COL26A1: variants seen among roughly 807,000 people sequenced by gnomAD.
COL26A1 encodes the protein collagen alpha-1(XXVI) chain.
A neutral mutation model predicts 59.3 loss-of-function variants in COL26A1; 41 were observed. That is an observed-to-expected ratio of 0.69 (90% CI 0.54 to 0.90). The LOEUF (loss-of-function observed/expected upper bound fraction) is 0.90, where lower values mean the gene tolerates loss of function less well. Ranked by LOEUF, COL26A1 falls within the 40% of genes least tolerant of loss-of-function variation. COL26A1 has a pLI of 0.00. For missense variants in COL26A1, 612 were observed against 602.3 expected, an observed-to-expected ratio of 1.02 and a Z score of -0.17; for synonymous variants, 266 against 256.0, an observed-to-expected ratio of 1.04 and a Z score of -0.37.
intron 1 of COL26A1, among the ~76,000 whole-genome samples, chr7:101,410,282 G>A (rs576610503): frequency 6.6e-6 from 1 of 152,258 alleles, no homozygotes; most frequent in Non-Finnish European, 1.5e-5. Context: ...CCAGTCTTAG[G>A]TTTCACAATA....
chr7:101,437,217 T>C (rs1303290032), intron 2 of COL26A1, among the ~76,000 whole-genome samples: 1 of 152,060 alleles, frequency 6.6e-6, no homozygotes, highest in African/African-American at 2.4e-5. Context: ...AGGGTGTAGA[T>C]TGAAGAGGCC....
At chr7:101,502,639 G>A (rs895173903) in intron 3 of COL26A1, among the ~76,000 whole-genome samples, 1 of 109,074 alleles carries the variant, frequency 9.2e-6, no homozygotes, top group Non-Finnish European at 1.6e-5. Context: ...CCACTGTCAG[G>A]GGGGACCCAG....
At chr7:101,393,870 C>A (rs546216382) in intron 1 of COL26A1, among the ~76,000 whole-genome samples, 16 of 152,244 alleles carry the variant, frequency 1.1e-4, no homozygotes, top group Admixed American at 6.5e-4. Context: ...CTTCAGCTTC[C>A]TGAGTAGCTG....
chr7:101,495,227 A>G (rs1794556115), intron 3 of COL26A1, among the ~76,000 whole-genome samples: 1 of 152,164 alleles, frequency 6.6e-6, no homozygotes, highest in African/African-American at 2.4e-5. Flanking sequence ...TGCCTGAGGC[A>G]GCCAGGATGT....
intron 2 of COL26A1, among the ~76,000 whole-genome samples, chr7:101,446,600 A>G (rs1178070040): frequency 6.6e-6 from 1 of 152,160 alleles, no homozygotes; most frequent in Admixed American, 6.6e-5. Context: ...TAATCGCAGC[A>G]CTTTGGAAGG....
At chr7:101,524,362 T>G (rs1259408603) in intron 3 of COL26A1, among the ~76,000 whole-genome samples, 1 of 152,074 alleles carries the variant, frequency 6.6e-6, no homozygotes, top group African/African-American at 2.4e-5. Context: ...TCTATACAGT[T>G]GAGTTACAAA....
At chr7:101,538,420 C>A (rs1275856769) in intron 4 of COL26A1, among the ~76,000 whole-genome samples, 1 of 152,252 alleles carries the variant, frequency 6.6e-6, no homozygotes, top group African/African-American at 2.4e-5. Flanking sequence ...GCCCCGGCCT[C>A]ACCGCCCATT....
chr7:101,494,288 G>A (rs1262572623), intron 3 of COL26A1, among the ~76,000 whole-genome samples: 1 of 151,918 alleles, frequency 6.6e-6, no homozygotes, highest in Non-Finnish European at 1.5e-5. Flanking sequence ...CACCATGCCC[G>A]GCTAATTTTT....
intron 1 of COL26A1, among the ~76,000 whole-genome samples, chr7:101,407,722 A>T (rs1792159665): frequency 6.6e-6 from 1 of 151,780 alleles, no homozygotes; most frequent in South Asian, 2.1e-4. Context: ...TCCATAAAAC[A>T]TACCCCCTAG....
chr7:101,544,506 C>T (rs1168671210), intron 6 of COL26A1, among the ~76,000 whole-genome samples: 10 of 141,466 alleles, frequency 7.1e-5, no homozygotes, highest in Middle Eastern at 8.8e-3. Context: ...GGATTACAGG[C>T]GTGAGCCACC....
intron 4 of COL26A1, among the ~76,000 whole-genome samples, chr7:101,534,840 C>T (rs1795448707): frequency 6.6e-6 from 1 of 152,172 alleles, no homozygotes; most frequent in Admixed American, 6.5e-5. Context: ...CCCCCTTCCT[C>T]ATCTGTAGAA....
intron 3 of COL26A1, among the ~76,000 whole-genome samples, chr7:101,526,238 G>C (rs1030964144): frequency 6.6e-6 from 1 of 151,896 alleles, no homozygotes; most frequent in African/African-American, 2.4e-5. Context: ...TAGTAGAGAC[G>C]GGGTCTCTCC....
intron 3 of COL26A1, among the ~76,000 whole-genome samples, chr7:101,530,590 AAGC>A (rs1483608384): frequency 6.6e-6 from 1 of 150,398 alleles, no homozygotes; most frequent in Non-Finnish European, 1.5e-5. Flanking sequence ...AAAAAAAAAA[AAGC>A]AGGCACTGAA....
chr7:101,463,359 G>C (rs1012540112), intron 3 of COL26A1, among the ~76,000 whole-genome samples: 5 of 152,162 alleles, frequency 3.3e-5, no homozygotes, highest in African/African-American at 1.2e-4. Flanking sequence ...TCCTTTAAAG[G>C]CTGAATGATA....
At chr7:101,466,641 G>C (rs1793763662) in intron 3 of COL26A1, among the ~76,000 whole-genome samples, 1 of 152,100 alleles carries the variant, frequency 6.6e-6, no homozygotes, top group Non-Finnish European at 1.5e-5. Flanking sequence ...AGTGAGCTGT[G>C]ATTGTGCCAC....
chr7:101,388,036 G>A (rs28827924), intron 1 of COL26A1, among the ~76,000 whole-genome samples: 9,303 of 151,036 alleles, frequency 0.062, 660 homozygotes, highest in African/African-American at 0.16. Context: ...AGTGCTGGGA[G>A]TACAGGCGTG....
At chr7:101,459,171 T>C (rs1454472260) in intron 3 of COL26A1, among the ~76,000 whole-genome samples, 1 of 152,146 alleles carries the variant, frequency 6.6e-6, no homozygotes, top group Non-Finnish European at 1.5e-5. Context: ...ACCTGGGACC[T>C]TTGCAGTCTT....
chr7:101,557,700 A>G lies in COL26A1; in HGVS notation c.*170A>G. ...TAATGTCTCCAGGGGCAGGGTCTGG[A>G]GGGGCCAACACCCTCATCAGAGCCC... On this transcript the variant is annotated 3_prime_UTR_variant, in exon 13 of 13. Coordinates refer to ENST00000313669, the MANE Select transcript of COL26A1 (RefSeq NM_001278563.3). 1 of 659,438 alleles carries G rather than the reference A, an allele frequency of 1.5e-6. No homozygotes were observed. Among genetic ancestry groups the G allele is most frequent in the Non-Finnish European group, 2.5e-6 (1 of 403,014 alleles). The allele number at this position is 659,438 out of a possible 1,614,324, so 40.8% of individuals were successfully genotyped here.
chr7:101,369,368 C>T (rs1791129319), intron 1 of COL26A1, among the ~76,000 whole-genome samples: 2 of 151,062 alleles, frequency 1.3e-5, no homozygotes, highest in Admixed American at 6.6e-5. Flanking sequence ...GATCACGTCA[C>T]TGCACTCCAG....
Sources: gnomAD v4.1 joint callset for allele counts (sites outside exome capture counted in the v4.1 genomes callset) on GRCh38, gnomAD v4.1.1 for gene constraint, MANE v1.5 for transcripts, NCBI Gene and HGNC (gene_info 2026-07-23, HGNC 2026-07-21) for gene names.